Variants in RAPGEF4 observed in about 807,000 individuals in gnomAD.
RAPGEF4 encodes the protein RAP guanine-nucleotide-exchange factor (GEF) 4.
Under a neutral mutation model 147.9 loss-of-function variants are expected in RAPGEF4, and 66 were observed. The observed-to-expected ratio is 0.45, with a 90% CI of 0.37 to 0.55. RAPGEF4 has a LOEUF of 0.55. RAPGEF4 is among the 20% of genes least tolerant of loss of function. The pLI is 0.00. For synonymous variants in RAPGEF4, 419 were observed against 442.7 expected, an observed-to-expected ratio of 0.95 and a Z score of 0.67; for missense variants, 1,071 against 1,257.3, an observed-to-expected ratio of 0.85 and a Z score of 2.24.
At chr2:172,840,128 T>A (rs1457768928) in intron 4 of RAPGEF4, among the ~76,000 whole-genome samples, 2 of 152,204 alleles carry the variant, frequency 1.3e-5, no homozygotes, top group Non-Finnish European at 2.9e-5. Flanking sequence ...GGTCAGAGCA[T>A]CCCTGGGTCC....
At chr2:172,827,958 T>C (rs1574966628) in intron 4 of RAPGEF4, among the ~76,000 whole-genome samples, 1 of 152,294 alleles carries the variant, frequency 6.6e-6, no homozygotes, top group Admixed American at 6.5e-5. Flanking sequence ...TACATCCTTT[T>C]CTAGTTGTAG....
intron 4 of RAPGEF4, among the ~76,000 whole-genome samples, chr2:172,860,833 T>C (rs1693960694): frequency 6.6e-6 from 1 of 152,166 alleles, no homozygotes; most frequent in Non-Finnish European, 1.5e-5. Flanking sequence ...AAGGGTGTTT[T>C]CTATGGACCT....
At chr2:172,926,888 G>A (rs1575268739) in intron 6 of RAPGEF4, among the ~76,000 whole-genome samples, 1 of 152,108 alleles carries the variant, frequency 6.6e-6, no homozygotes, top group African/African-American at 2.4e-5. Flanking sequence ...TCATTTTTTA[G>A]GCAGTTATAG....
chr2:172,745,842 G>T (rs1694719839), intron 1 of RAPGEF4, among the ~76,000 whole-genome samples: 1 of 152,164 alleles, frequency 6.6e-6, no homozygotes, highest in South Asian at 2.1e-4. Flanking sequence ...GCAATGTGGT[G>T]AACAATATCC....
chr2:172,853,985 A>G (rs985385362), intron 4 of RAPGEF4, among the ~76,000 whole-genome samples: 6 of 151,956 alleles, frequency 3.9e-5, no homozygotes, highest in Non-Finnish European at 5.9e-5. Context: ...CTTATATTTC[A>G]CTGTTGAGAT....
At chr2:172,793,215 G>A (rs1686002119) in intron 1 of RAPGEF4, among the ~76,000 whole-genome samples, 1 of 151,954 alleles carries the variant, frequency 6.6e-6, no homozygotes, top group South Asian at 2.1e-4. Context: ...TTTTTTTAAG[G>A]GTGCTAGTTA....
chr2:172,915,703 C>A (rs148743569), intron 4 of RAPGEF4, among the ~76,000 whole-genome samples: 2,590 of 113,582 alleles, frequency 0.023, no homozygotes, highest in East Asian at 0.029. Context: ...GACCCTGTCT[C>A]AAAAAAAAAA....
At chr2:172,983,928 A>G (rs1052552304) in intron 11 of RAPGEF4, among the ~76,000 whole-genome samples, 9 of 152,124 alleles carry the variant, frequency 5.9e-5, no homozygotes, top group East Asian at 1.9e-4. Flanking sequence ...CTGCCATGGT[A>G]TGCTGCCAGA....
At chr2:172,820,595 T>G (rs1559057788) in intron 4 of RAPGEF4, among the ~76,000 whole-genome samples, 1 of 152,212 alleles carries the variant, frequency 6.6e-6, no homozygotes, top group Non-Finnish European at 1.5e-5. Flanking sequence ...CACATTAGAT[T>G]CACTGCTCAA....
intron 4 of RAPGEF4, among the ~76,000 whole-genome samples, chr2:172,906,367 C>G (rs1014773310): frequency 6.6e-6 from 1 of 152,198 alleles, no homozygotes; most frequent in Non-Finnish European, 1.5e-5. Context: ...GACGCTGCCT[C>G]TCCTTATTCT....
chr2:173,034,425 C>T (rs12987382), intron 27 of RAPGEF4, among the ~76,000 whole-genome samples: 118,032 of 152,012 alleles, frequency 0.78, 47,769 homozygotes, highest in Middle Eastern at 0.9. Context: ...AGGAAGAAGA[C>T]GGGGCTTCAG....
At position 172,917,604 on chromosome 2, in the gene RAPGEF4, T is replaced by C. The variant is rs1037327877; in HGVS notation, c.445-198T>C. 8 of 681,546 alleles carry C rather than the reference T, an allele frequency of 1.2e-5. No individual in the cohort carries two copies. The African/African-American group carries it at 1.4e-4, about 12-fold the overall frequency. The allele number at this position is 681,546 out of a possible 1,614,324, so 42.2% of individuals were successfully genotyped here. On this transcript the variant is annotated intron_variant, in intron 4 of 30. Transcript: ENST00000397081. ...AACCCCTGCCCCCGGGCACATTCAG[T>C]CTTATTCAGGAAGACCTGTTTAGAA... is the stretch of plus-strand genomic sequence containing the variant.
At chr2:173,017,285 A>G (rs1695592660) in intron 20 of RAPGEF4, 81 bp downstream of exon 20, 7 of 1,524,358 alleles carry the variant, frequency 4.6e-6, no homozygotes, top group Middle Eastern at 1.7e-4. Flanking sequence ...CAGTATACAT[A>G]AAAGTGATTT....
intron 4 of RAPGEF4, among the ~76,000 whole-genome samples, chr2:172,911,487 C>G (rs969599878): frequency 4.6e-5 from 7 of 152,064 alleles, no homozygotes; most frequent in African/African-American, 1.7e-4. Context: ...GAGACAGAGT[C>G]TCACTCCGTC....
chr2:172,800,411 A>G (rs186813002), intron 3 of RAPGEF4, among the ~76,000 whole-genome samples: 1,842 of 152,262 alleles, frequency 0.012, 31 homozygotes, highest in African/African-American at 0.042. Flanking sequence ...TGCAAGGGAG[A>G]AACAAAACTG....
chr2:172,762,946 G>T (rs1410313891), intron 1 of RAPGEF4, among the ~76,000 whole-genome samples: 1 of 152,182 alleles, frequency 6.6e-6, no homozygotes, highest in Non-Finnish European at 1.5e-5. Flanking sequence ...CCAGTGTGCT[G>T]TTATGAGAAT....
At chr2:172,841,228 G>C (rs1299637631) in intron 4 of RAPGEF4, among the ~76,000 whole-genome samples, 1 of 152,106 alleles carries the variant, frequency 6.6e-6, no homozygotes, top group South Asian at 2.1e-4. Flanking sequence ...GTGAGTTCTC[G>C]CTCTTACTTC....
intron 29 of RAPGEF4, among the ~76,000 whole-genome samples, chr2:173,043,617 G>A (rs1285468088): frequency 6.6e-6 from 1 of 152,350 alleles, no homozygotes; most frequent in Admixed American, 6.5e-5. Flanking sequence ...GAAGGTGGGG[G>A]CAGCCACAAA....
chr2:172,879,236 TGA>T (rs2149844593), intron 4 of RAPGEF4, among the ~76,000 whole-genome samples: 1 of 152,294 alleles, frequency 6.6e-6, no homozygotes, highest in Admixed American at 6.5e-5. Context: ...TTTAAAAAAC[TGA>T]GAGATCTATA....
Sources: gnomAD v4.1 joint callset for allele counts (sites outside exome capture counted in the v4.1 genomes callset) on GRCh38, gnomAD v4.1.1 for gene constraint, MANE v1.5 for transcripts, NCBI Gene and HGNC (gene_info 2026-07-23, HGNC 2026-07-21) for gene names.